Variants in RBFOX1 observed in about 807,000 individuals in gnomAD.
The protein encoded by RBFOX1 is RNA binding fox-1 homolog 1.
Under a neutral mutation model 57.7 loss-of-function variants are expected in RBFOX1, and 8 were observed. The observed-to-expected ratio is 0.14, with a 90% CI of 0.08 to 0.25. The LOEUF (loss-of-function observed/expected upper bound fraction) is 0.25, where lower values mean the gene tolerates loss of function less well. RBFOX1 is among the 10% of genes least tolerant of loss of function. RBFOX1 has a pLI of 1.00. For missense variants in RBFOX1, 611 were observed against 548.5 expected (o/e 1.11, Z -1.14); for synonymous variants, 326 against 222.4 (o/e 1.47, Z -4.15).
intron 3 of RBFOX1, among the ~76,000 whole-genome samples, chr16:6,801,745 C>T (rs2085510744): frequency 6.6e-6 from 1 of 151,980 alleles, no homozygotes; most frequent in Non-Finnish European, 1.5e-5. Flanking sequence ...ATTTCTGTAA[C>T]CAGTTACAGG....
intron 4 of RBFOX1, among the ~76,000 whole-genome samples, chr16:5,982,838 G>C (rs2060200563): frequency 6.6e-6 from 1 of 152,216 alleles, no homozygotes. Context: ...AGCCTTTGCT[G>C]TGTTCACTAT....
intron 2 of RBFOX1, among the ~76,000 whole-genome samples, chr16:5,471,474 A>G (rs1263134517): frequency 6.6e-6 from 1 of 152,112 alleles, no homozygotes; most frequent in East Asian, 1.9e-4. Context: ...CCAGGTCCCT[A>G]CCATTGCTGG....
At chr16:5,698,025 G>A (rs1185174056) in intron 3 of RBFOX1, among the ~76,000 whole-genome samples, 1 of 152,134 alleles carries the variant, frequency 6.6e-6, no homozygotes, top group Non-Finnish European at 1.5e-5. Context: ...TTTTGATGTG[G>A]TGAATTACCT....
At chr16:7,462,844 T>C (rs2059825645) in intron 4 of RBFOX1, among the ~76,000 whole-genome samples, 1 of 152,188 alleles carries the variant, frequency 6.6e-6, no homozygotes, top group South Asian at 2.1e-4. Flanking sequence ...TCTCTCCATG[T>C]TTCTCTTTTG....
At chr16:7,299,994 G>C (rs2095992990) in intron 4 of RBFOX1, among the ~76,000 whole-genome samples, 1 of 152,212 alleles carries the variant, frequency 6.6e-6, no homozygotes, top group African/African-American at 2.4e-5. Flanking sequence ...TGAGGCTTAT[G>C]CAATAAGATT....
intron 3 of RBFOX1, among the ~76,000 whole-genome samples, chr16:5,669,841 T>A (rs2151414011): frequency 6.6e-6 from 1 of 152,358 alleles, no homozygotes; most frequent in African/African-American, 2.4e-5. Context: ...CCAGCAATTC[T>A]TTTGTCAGGT....
At chr16:7,674,913 G>A (rs76735466) in intron 13 of RBFOX1, among the ~76,000 whole-genome samples, 5,611 of 152,274 alleles carry the variant, frequency 0.037, 351 homozygotes, top group African/African-American at 0.12. Context: ...CAAATAGGAT[G>A]TTGCTAGACA....
At chr16:5,266,331 A>C (rs2062856324) in intron 1 of RBFOX1, among the ~76,000 whole-genome samples, 2 of 152,050 alleles carry the variant, frequency 1.3e-5, no homozygotes, top group Non-Finnish European at 2.9e-5. Context: ...AAGTACAGGC[A>C]ACCACCAGTG....
intron 2 of RBFOX1, among the ~76,000 whole-genome samples, chr16:6,450,839 G>GTATA (rs1202016714): frequency 0.029 from 396 of 13,546 alleles, 21 homozygotes; most frequent in Admixed American, 0.072. Context: ...ATATATATGT[G>GTATA]TATATATATA....
intron 3 of RBFOX1, among the ~76,000 whole-genome samples, chr16:6,863,513 T>C (rs2059366855): frequency 1.3e-5 from 2 of 152,058 alleles, no homozygotes; most frequent in African/African-American, 4.8e-5. Context: ...GCAGGAACTG[T>C]GTTTTAATAC....
upstream of RBFOX1, among the ~76,000 whole-genome samples, chr16:6,014,754 C>T (rs2094982893): frequency 6.6e-6 from 1 of 152,114 alleles, no homozygotes; most frequent in South Asian, 2.1e-4. Context: ...TTATTGAACC[C>T]AGAGTCATTT....
intron 3 of RBFOX1, among the ~76,000 whole-genome samples, chr16:6,918,175 G>C (rs2073670491): frequency 6.6e-6 from 1 of 151,856 alleles, no homozygotes; most frequent in Non-Finnish European, 1.5e-5. Context: ...CCAGCTACTA[G>C]AGAAGCTGAG....
intron 5 of RBFOX1, chr16:7,519,818 A>T: frequency 1.4e-6 from 1 of 714,802 alleles, no homozygotes; most frequent in Non-Finnish European, 1.7e-6. Context: ...GATAAAAGAA[A>T]ACACTGACTA....
At chr16:5,920,491 G>A (rs1417802949) in intron 4 of RBFOX1, among the ~76,000 whole-genome samples, 1 of 152,142 alleles carries the variant, frequency 6.6e-6, no homozygotes, top group East Asian at 1.9e-4. Flanking sequence ...TGGGTTATAT[G>A]GCAATTCGTT....
chr16:7,663,822 C>T (rs757019635), intron 12 of RBFOX1, among the ~76,000 whole-genome samples: 7 of 152,208 alleles, frequency 4.6e-5, no homozygotes, highest in Non-Finnish European at 1.0e-4. Flanking sequence ...GTGAAGGCTA[C>T]ATATGATTCT....
chr16:6,257,486 T>A (rs192245867), intron 1 of RBFOX1, among the ~76,000 whole-genome samples: 1 of 152,248 alleles, frequency 6.6e-6, no homozygotes, highest in African/African-American at 2.4e-5. Context: ...TACACTTTTG[T>A]CCTGGGGGTT....
chr16:7,153,809 G>C (rs1393344258), intron 4 of RBFOX1, among the ~76,000 whole-genome samples: 1 of 151,816 alleles, frequency 6.6e-6, no homozygotes, highest in Non-Finnish European at 1.5e-5. Flanking sequence ...TCATGAGGGG[G>C]AAAAGTACCA....
chr16:6,227,530 G>GGGTAGGGA (rs2097427147), intron 1 of RBFOX1, among the ~76,000 whole-genome samples: 1 of 152,070 alleles, frequency 6.6e-6, no homozygotes. Context: ...GTGGAAGTCT[G>GGGTAGGGA]CAGGGTAGGG....
At chr16:5,518,940 A>C (rs1417716445) in intron 2 of RBFOX1, among the ~76,000 whole-genome samples, 1 of 152,166 alleles carries the variant, frequency 6.6e-6, no homozygotes, top group Non-Finnish European at 1.5e-5. Flanking sequence ...ATTTGGAGAT[A>C]AGACCTTTAA....
Sources: allele counts gnomAD v4.1 joint callset (sites outside exome capture counted in the v4.1 genomes callset), GRCh38; gene constraint gnomAD v4.1.1; transcripts MANE v1.5; gene names NCBI Gene and HGNC (gene_info 2026-07-23, HGNC 2026-07-21).